The following GPHN variants were observed in gnomAD, a reference collection of about 807,000 sequenced individuals.
GPHN encodes gephyrin.
Under a neutral mutation model 95.5 loss-of-function variants are expected in GPHN, and 17 were observed. That is an observed-to-expected ratio of 0.18 (90% CI 0.12 to 0.27). The LOEUF (loss-of-function observed/expected upper bound fraction) is 0.27. Ranked by LOEUF, GPHN falls within the 10% of genes least tolerant of loss-of-function variation. GPHN has a pLI of 1.00. For missense variants in GPHN, 660 were observed against 978.1 expected (o/e 0.67, Z 4.34); for synonymous variants, 320 against 322.5 (o/e 0.99, Z 0.08).
intron 9 of GPHN, among the ~76,000 whole-genome samples, chr14:67,013,421 A>G (rs1391873363): frequency 6.6e-6 from 1 of 152,040 alleles, no homozygotes; most frequent in Non-Finnish European, 1.5e-5. Flanking sequence ...AATCTGACCT[A>G]TATTGCTCAT....
At chr14:66,771,092 A>G (rs1175717336) in intron 2 of GPHN, among the ~76,000 whole-genome samples, 2 of 152,102 alleles carry the variant, frequency 1.3e-5, no homozygotes, top group African/African-American at 2.4e-5. Flanking sequence ...ACTGGCTCCA[A>G]TGGTCACACC....
chr14:66,937,911 T>C (rs2067214364), intron 8 of GPHN, among the ~76,000 whole-genome samples: 1 of 152,170 alleles, frequency 6.6e-6, no homozygotes, highest in South Asian at 2.1e-4. Context: ...TTTTGGTAAG[T>C]TCCTCTCTTC....
intron 1 of GPHN, among the ~76,000 whole-genome samples, chr14:66,582,134 C>G (rs1301492316): frequency 6.6e-6 from 1 of 151,896 alleles, no homozygotes; most frequent in Non-Finnish European, 1.5e-5. Context: ...TAAGTCAGAC[C>G]AGAAAATAAA....
chr14:66,902,262 G>C (rs2065157603), intron 5 of GPHN, among the ~76,000 whole-genome samples: 1 of 151,998 alleles, frequency 6.6e-6, no homozygotes, highest in Non-Finnish European at 1.5e-5. Context: ...AATTCCAACA[G>C]TGTTTTAGTG....
the GPHN span, among the ~76,000 whole-genome samples, chr14:67,192,200 T>C: frequency 3.9e-5 from 6 of 152,084 alleles, no homozygotes; most frequent in South Asian, 1.0e-3. Flanking sequence ...AGGCAAACAT[T>C]GTTGGAAAAA....
At chr14:67,414,849 G>A in the GPHN span, among the ~76,000 whole-genome samples, 23 of 152,320 alleles carry the variant, frequency 1.5e-4, no homozygotes, top group African/African-American at 5.1e-4. Flanking sequence ...CACCAAATCC[G>A]GATGCTTCAT....
intron 1 of GPHN, among the ~76,000 whole-genome samples, chr14:66,516,024 T>C (rs1041144998): frequency 4.6e-5 from 7 of 152,104 alleles, no homozygotes; most frequent in Non-Finnish European, 1.0e-4. Context: ...TTTTTTTTTT[T>C]TTGAGACGGA....
At chr14:67,327,207 C>G in the GPHN span, among the ~76,000 whole-genome samples, 5 of 152,096 alleles carry the variant, frequency 3.3e-5, no homozygotes, top group African/African-American at 1.2e-4. Flanking sequence ...GCTAGTATGA[C>G]TGAAGCTGCT....
chr14:67,218,440 C>A, the GPHN span, among the ~76,000 whole-genome samples: 1 of 152,154 alleles, frequency 6.6e-6, no homozygotes, highest in South Asian at 2.1e-4. Flanking sequence ...CAGGGACGTG[C>A]TCACTGGGGA....
intron 9 of GPHN, among the ~76,000 whole-genome samples, chr14:66,997,837 A>C (rs2071924026): frequency 1.3e-5 from 2 of 152,224 alleles, no homozygotes; most frequent in African/African-American, 4.8e-5. Flanking sequence ...AAAGAAAGCC[A>C]AATGAGCTAT....
chr14:66,836,098 A>T (rs1266648618), intron 4 of GPHN, among the ~76,000 whole-genome samples: 6 of 133,342 alleles, frequency 4.5e-5, no homozygotes, highest in Non-Finnish European at 7.6e-5. Flanking sequence ...ACTACTTTAA[A>T]GTTCATATGG....
At chr14:66,846,111 ATC>A (rs763739241) in intron 4 of GPHN, among the ~76,000 whole-genome samples, 5 of 152,212 alleles carry the variant, frequency 3.3e-5, no homozygotes, top group Non-Finnish European at 5.9e-5. Context: ...AAGACTTTCA[ATC>A]TGTTAGGTGA....
At chr14:67,581,126 A>T in the GPHN span, 5 of 811,066 alleles carry the variant, frequency 6.2e-6, 1 homozygote, top group Middle Eastern at 3.0e-4. Context: ...CAGCCTATCC[A>T]GACGGGGGGA....
chr14:67,586,116 A>G, the GPHN span: 1 of 1,613,000 alleles, frequency 6.2e-7, no homozygotes, highest in Non-Finnish European at 8.5e-7. Flanking sequence ...GACAGCTGTT[A>G]AAACGTTCTA....
At chr14:66,534,912 C>T (rs1381404872) in intron 1 of GPHN, among the ~76,000 whole-genome samples, 3 of 152,028 alleles carry the variant, frequency 2.0e-5, no homozygotes, top group African/African-American at 4.8e-5. Flanking sequence ...AATTTCTTCT[C>T]CCAGTCTGAG....
At chr14:67,729,906 C>G in the GPHN span, 6 of 436,508 alleles carry the variant, frequency 1.4e-5, no homozygotes, top group Non-Finnish European at 2.7e-5. Flanking sequence ...AAGGGAAGCC[C>G]AGGGTGAAAT....
the GPHN span, among the ~76,000 whole-genome samples, chr14:67,457,925 C>T: frequency 2.0e-5 from 3 of 152,166 alleles, no homozygotes; most frequent in Non-Finnish European, 4.4e-5. Context: ...CCCCAGCTGG[C>T]GGGGGATGAG....
the GPHN span, chr14:67,347,421 C>G: frequency 1.2e-6 from 2 of 1,607,386 alleles, no homozygotes; most frequent in South Asian, 2.2e-5. Flanking sequence ...TCAGTTCCTT[C>G]ATGGTAATGT....
chr14:67,433,605 C>T, the GPHN span, among the ~76,000 whole-genome samples: 3 of 151,778 alleles, frequency 2.0e-5, no homozygotes, highest in Non-Finnish European at 2.9e-5. Context: ...TAAAACTCAT[C>T]GGGAGTATGA....
Sources: gnomAD v4.1 joint callset for allele counts (sites outside exome capture counted in the v4.1 genomes callset) on GRCh38, gnomAD v4.1.1 for gene constraint, MANE v1.5 for transcripts, NCBI Gene and HGNC (gene_info 2026-07-23, HGNC 2026-07-21) for gene names.